The following TPRG1 variants were observed in gnomAD, a reference collection of about 807,000 sequenced individuals.
TPRG1 encodes the protein tumor protein p63-regulated gene 1 protein.
Under a neutral mutation model 29.3 loss-of-function variants are expected in TPRG1, and 29 were observed. The observed-to-expected ratio is 0.99, with a 90% CI of 0.74 to 1.35. The LOEUF is 1.35. Among genes scored for constraint, TPRG1 ranks in the 40% most tolerant of loss-of-function variants. The pLI is 0.00. For synonymous variants in TPRG1, 130 were observed against 116.8 expected (o/e 1.11, Z -0.73); for missense variants, 327 against 335.0 (o/e 0.98, Z 0.19).
intron 4 of TPRG1, among the ~76,000 whole-genome samples, chr3:189,092,149 T>G (rs1050313676): frequency 1.3e-5 from 2 of 152,118 alleles, no homozygotes; most frequent in Non-Finnish European, 2.9e-5. Flanking sequence ...ACTTTGCAGT[T>G]TATCAGTGAT....
chr3:189,304,527 C>G (rs1721327023), intron 4 of TPRG1, among the ~76,000 whole-genome samples: 1 of 152,094 alleles, frequency 6.6e-6, no homozygotes, highest in Admixed American at 6.6e-5. Flanking sequence ...GCCAGGTGAG[C>G]AAAGAGAGCA....
At chr3:189,120,997 T>A (rs1721763297) in intron 1 of TPRG1, among the ~76,000 whole-genome samples, 1 of 152,178 alleles carries the variant, frequency 6.6e-6, no homozygotes, top group Non-Finnish European at 1.5e-5. Flanking sequence ...TAAAGGTAAA[T>A]TATTAGATGA....
At chr3:189,099,392 AG>A (rs1718918235), upstream of TPRG1, among the ~76,000 whole-genome samples, 1 of 151,572 alleles carries the variant, frequency 6.6e-6, no homozygotes, top group Non-Finnish European at 1.5e-5. Context: ...GGGGAATAGG[AG>A]GGGTTGTGGG....
intron 3 of TPRG1, chr3:189,219,584 C>G (rs1217172784): frequency 7.8e-7 from 1 of 1,284,422 alleles, no homozygotes; most frequent in South Asian, 1.3e-5. Flanking sequence ...TCCATTAAGC[C>G]AGCACCAAGG....
At position 189,317,375 on chromosome 3, in the gene TPRG1, A is replaced by G. The variant is rs114320093; in HGVS notation, c.634-3251A>G. Among the ~76,000 whole-genome samples, 515 of 152,272 alleles carry G rather than the reference A, an allele frequency of 3.4e-3. 3 individuals carry two copies. Among genetic ancestry groups the G allele is most frequent in the African/African-American group, 0.012 (478 of 41,558 alleles). On this transcript the variant is annotated intron_variant, in intron 5 of 5. Transcript: ENST00000345063. ...ACAAGCTTCCTTTATGGCCTTTGCAATATAACTCCAAATTTCAGGCTCATC... is the reference window on the plus strand; with the variant it reads ...ACAAGCTTCCTTTATGGCCTTTGCAGTATAACTCCAAATTTCAGGCTCATC...
At chr3:189,192,855 A>G (rs146240577) in intron 1 of TPRG1, among the ~76,000 whole-genome samples, 229 of 152,268 alleles carry the variant, frequency 1.5e-3, no homozygotes, top group African/African-American at 5.2e-3. Flanking sequence ...AGCATTTCTC[A>G]TAAGTCCAAT....
At chr3:189,035,656 T>A (rs77939328) in intron 4 of TPRG1, among the ~76,000 whole-genome samples, 2,854 of 152,108 alleles carry the variant, frequency 0.019, 90 homozygotes, top group African/African-American at 0.065. Flanking sequence ...GGCATACATG[T>A]GACCAACAAA....
intron 5 of TPRG1, among the ~76,000 whole-genome samples, chr3:189,319,521 G>A (rs1424805912): frequency 1.3e-5 from 2 of 151,708 alleles, no homozygotes; most frequent in African/African-American, 4.8e-5. Flanking sequence ...TCTTTGGCTT[G>A]AACCCCCTGC....
chr3:189,105,481 T>TA (rs1371940209), intron 1 of TPRG1, among the ~76,000 whole-genome samples: 2 of 152,122 alleles, frequency 1.3e-5, no homozygotes, highest in Non-Finnish European at 2.9e-5. Context: ...CCTGCTAACT[T>TA]ACCATAATGA....
intron 4 of TPRG1, among the ~76,000 whole-genome samples, chr3:189,271,042 T>C (rs1051468571): frequency 3.3e-5 from 5 of 152,086 alleles, no homozygotes; most frequent in Non-Finnish European, 4.4e-5. Context: ...CACACTTTCA[T>C]AGTGAAGGCA....
At chr3:189,255,129 T>C (rs562304536) in intron 4 of TPRG1, among the ~76,000 whole-genome samples, 1 of 152,346 alleles carries the variant, frequency 6.6e-6, no homozygotes, top group East Asian at 1.9e-4. Context: ...TTCCAGCTTT[T>C]GCCCATTCAG....
rs550430792 is a variant in TPRG1, at chr3:189,309,439, C to T, written c.480-947C>T. The stretch of plus-strand genomic sequence containing the variant: ...TAATTTTTAGACAAAATGAGACATC[C>T]GTGAAGTTCCATAGGGCTGTTTAGA... On this transcript the variant is annotated intron_variant, in intron 4 of 5. Coordinates refer to ENST00000345063, the MANE Select transcript of TPRG1 (RefSeq NM_198485.4). Among the ~76,000 whole-genome samples, 210 of 152,206 alleles carry T rather than the reference C, an allele frequency of 1.4e-3. 1 individual carries two copies. Among genetic ancestry groups the T allele is most frequent in the Non-Finnish European group, 2.3e-3 (159 of 68,010 alleles).
At chr3:189,233,105 G>T (rs1344770951) in intron 3 of TPRG1, among the ~76,000 whole-genome samples, 1 of 151,862 alleles carries the variant, frequency 6.6e-6, no homozygotes, top group East Asian at 1.9e-4. Flanking sequence ...CATGAAGGTT[G>T]ATTTGTAAAT....
chr3:189,314,467 A>T (rs1475106356), intron 5 of TPRG1, among the ~76,000 whole-genome samples: 1 of 152,196 alleles, frequency 6.6e-6, no homozygotes, highest in African/African-American at 2.4e-5. Context: ...AGTTTATACA[A>T]TGCTATGTCA....
In TPRG1 at chr3:189,189,784, A is replaced by T. The variant is rs116461004; in HGVS notation, c.-9-17592A>T. 5.7e-3 allele frequency among the ~76,000 whole-genome samples: 862 copies of T among 152,320 alleles called. 9 individuals carry two copies. The highest frequency in any genetic ancestry group is 0.018 in the African/African-American group (757 of 41,572). On this transcript the variant is annotated intron_variant, in intron 1 of 5. Coordinates refer to ENST00000345063, the MANE Select transcript of TPRG1 (RefSeq NM_198485.4). ...TTCTGTCACTTCCAAATGGAGAGTT[A>T]GTTTTAGCTACTCTCTATAGCATTT...
chr3:189,207,590 CA>C lies in TPRG1; in HGVS notation c.207del (p.Arg70GlyfsTer12), dbSNP rs1734596817. 6.2e-7 allele frequency: 1 copy of C among 1,613,856 alleles called. No individual in the cohort carries two copies. Among genetic ancestry groups the C allele is most frequent in the African/African-American group, 1.3e-5 (1 of 75,028 alleles). ...QPYISRKYFA[T>X]RPGAIETAME... Reference sequence around the variant, plus strand: ...TATATCTCACGGAAGTACTTTGCTACACGGGTAAATTTATTGGTTCTCTTAA... The same window carrying C: ...TATATCTCACGGAAGTACTTTGCTACCGGGTAAATTTATTGGTTCTCTTAA... On this transcript the variant is annotated frameshift_variant, in exon 2 of 6. Coordinates refer to ENST00000345063, the MANE Select transcript of TPRG1 (RefSeq NM_198485.4). LOFTEE classifies it high-confidence loss of function.
chr3:189,206,141 C>T (rs1734331714), intron 1 of TPRG1, among the ~76,000 whole-genome samples: 1 of 143,434 alleles, frequency 7.0e-6, no homozygotes, highest in Admixed American at 7.0e-5. Context: ...CCTTTCCTTT[C>T]CTTCTTTATC....
At chr3:189,317,685 G>C (rs1388337719) in intron 5 of TPRG1, among the ~76,000 whole-genome samples, 1 of 152,166 alleles carries the variant, frequency 6.6e-6, no homozygotes, top group Admixed American at 6.6e-5. Flanking sequence ...GTTCTCAAGA[G>C]AGGGTGATTT....
At chr3:189,281,791 C>T (rs1162110585) in intron 4 of TPRG1, among the ~76,000 whole-genome samples, 2 of 152,156 alleles carry the variant, frequency 1.3e-5, no homozygotes, top group African/African-American at 2.4e-5. Flanking sequence ...CTCAAGGCAC[C>T]TACTGACTTC....
Sources: allele counts gnomAD v4.1 joint callset (sites outside exome capture counted in the v4.1 genomes callset), GRCh38; gene constraint gnomAD v4.1.1; transcripts MANE v1.5; gene names NCBI Gene and HGNC (gene_info 2026-07-23, HGNC 2026-07-21).